CFAP299: variants seen among roughly 807,000 people sequenced by gnomAD.
The protein encoded by CFAP299 is cilia and flagella associated protein 299.
CFAP299 carries 21 observed loss-of-function variants against 27.0 expected under a neutral mutation model. The observed-to-expected ratio is 0.78, with a 90% CI of 0.55 to 1.12. The LOEUF is 1.12. CFAP299 is among the 50% of genes most tolerant of loss of function. CFAP299 has a pLI of 0.00. For synonymous variants in CFAP299, 104 were observed against 98.1 expected, an observed-to-expected ratio of 1.06 and a Z score of -0.36; for missense variants, 310 against 276.6, an observed-to-expected ratio of 1.12 and a Z score of -0.86.
intron 2 of CFAP299, among the ~76,000 whole-genome samples, chr4:80,438,060 G>C (rs73829288): frequency 0.096 from 14,627 of 152,136 alleles, 1,548 homozygotes; most frequent in African/African-American, 0.26. Flanking sequence ...AGCTTGCTGT[G>C]TCATTGGGGA....
chr4:80,339,664 A>G (rs1201039634), intron 1 of CFAP299, among the ~76,000 whole-genome samples: 5 of 152,244 alleles, frequency 3.3e-5, no homozygotes, highest in Non-Finnish European at 7.3e-5. Flanking sequence ...GCTAACCCAA[A>G]GAAATATATT....
intron 3 of CFAP299, among the ~76,000 whole-genome samples, chr4:80,620,494 CATCTT>C (rs1028924429): frequency 1.1e-4 from 16 of 152,056 alleles, no homozygotes; most frequent in African/African-American, 3.1e-4. Context: ...GAATTTAACA[CATCTT>C]ATATTTATAT....
chr4:80,475,944 C>T (rs939192468), intron 2 of CFAP299, among the ~76,000 whole-genome samples: 3 of 152,154 alleles, frequency 2.0e-5, no homozygotes, highest in East Asian at 1.9e-4. Flanking sequence ...ACGACCCAGA[C>T]GCCAGTAAAC....
chr4:80,834,377 G>A (rs1730452183), intron 3 of CFAP299, among the ~76,000 whole-genome samples: 1 of 152,134 alleles, frequency 6.6e-6, no homozygotes, highest in South Asian at 2.1e-4. Flanking sequence ...AATCCATAAA[G>A]CTCTTGAGAA....
At chr4:80,567,563 C>T (rs1401671227) in intron 2 of CFAP299, among the ~76,000 whole-genome samples, 6 of 151,820 alleles carry the variant, frequency 4.0e-5, no homozygotes, top group Admixed American at 6.6e-5. Flanking sequence ...AAGCACATAT[C>T]GGATTTAGCT....
intron 3 of CFAP299, among the ~76,000 whole-genome samples, chr4:80,677,091 A>G (rs1006186119): frequency 5.3e-5 from 8 of 151,394 alleles, no homozygotes; most frequent in Non-Finnish European, 1.2e-4. Context: ...ATTGCTATAA[A>G]CTTCCCTCTT....
At chr4:80,528,138 G>T in intron 2 of CFAP299, among the ~76,000 whole-genome samples, 1 of 126,576 alleles carries the variant, frequency 7.9e-6, no homozygotes, top group African/African-American at 3.0e-5. Flanking sequence ...TAGATCAGAA[G>T]ATACTAGTTA....
At chr4:80,611,448 C>T (rs1057092030) in intron 3 of CFAP299, among the ~76,000 whole-genome samples, 8 of 152,052 alleles carry the variant, frequency 5.3e-5, no homozygotes, top group South Asian at 2.1e-4. Context: ...CAATCTACAA[C>T]GGCAATCTAA....
chr4:80,365,049 A>G (rs1723755854), intron 2 of CFAP299, among the ~76,000 whole-genome samples: 1 of 152,216 alleles, frequency 6.6e-6, no homozygotes, highest in Admixed American at 6.5e-5. Flanking sequence ...TATTGTGAAC[A>G]GTGCTGCAAT....
At chr4:80,751,728 C>G (rs115505722) in intron 3 of CFAP299, among the ~76,000 whole-genome samples, 2 of 152,128 alleles carry the variant, frequency 1.3e-5, no homozygotes, top group African/African-American at 2.4e-5. Context: ...GAGACTGTGG[C>G]CCCCTCCCCC....
chr4:80,394,391 C>A (rs1725661233), intron 2 of CFAP299, among the ~76,000 whole-genome samples: 1 of 149,088 alleles, frequency 6.7e-6, no homozygotes, highest in African/African-American at 2.5e-5. Flanking sequence ...TAGGTTGTTC[C>A]TTGGCTGTAC....
At chr4:80,957,843 AG>A (rs1348532737) in intron 5 of CFAP299, among the ~76,000 whole-genome samples, 1 of 152,134 alleles carries the variant, frequency 6.6e-6, no homozygotes, top group Admixed American at 6.6e-5. Flanking sequence ...AATTTCGGGA[AG>A]GTTATTCTTG....
chr4:80,792,048 A>G (rs1727602228), intron 3 of CFAP299, among the ~76,000 whole-genome samples: 1 of 152,082 alleles, frequency 6.6e-6, no homozygotes, highest in South Asian at 2.1e-4. Context: ...CTGAACATTT[A>G]TATAATGTTA....
chr4:80,854,031 G>C (rs1731683701), intron 3 of CFAP299, among the ~76,000 whole-genome samples: 2 of 152,166 alleles, frequency 1.3e-5, no homozygotes, highest in Non-Finnish European at 2.9e-5. Flanking sequence ...ACAGAGAAAA[G>C]ATGAGGACTA....
chr4:80,526,191 T>A (rs1445265959), intron 2 of CFAP299, among the ~76,000 whole-genome samples: 1 of 152,120 alleles, frequency 6.6e-6, no homozygotes, highest in South Asian at 2.1e-4. Flanking sequence ...AAGGCTGCAA[T>A]GAAATACTCA....
intron 3 of CFAP299, among the ~76,000 whole-genome samples, chr4:80,592,656 G>A (rs114707584): frequency 1.3e-3 from 192 of 152,160 alleles, no homozygotes; most frequent in African/African-American, 4.4e-3. Context: ...GGATTAAAAG[G>A]GATATAACCA....
At chr4:80,353,567 T>C (rs1200172228) in intron 1 of CFAP299, among the ~76,000 whole-genome samples, 1 of 152,236 alleles carries the variant, frequency 6.6e-6, no homozygotes, top group Non-Finnish European at 1.5e-5. Flanking sequence ...TGCCATGCTT[T>C]CTGACACTCC....
intron 4 of CFAP299, among the ~76,000 whole-genome samples, chr4:80,902,055 C>G (rs563687045): frequency 7.9e-5 from 12 of 152,068 alleles, no homozygotes; most frequent in African/African-American, 2.9e-4. Flanking sequence ...GTGGCACTTT[C>G]AAATAACAAA....
chr4:80,807,320 G>A (rs1728913226), intron 3 of CFAP299, among the ~76,000 whole-genome samples: 2 of 152,008 alleles, frequency 1.3e-5, no homozygotes, highest in Non-Finnish European at 2.9e-5. Flanking sequence ...TGTTGTAAAT[G>A]TACAACCATT....
Sources: allele counts gnomAD v4.1 joint callset (sites outside exome capture counted in the v4.1 genomes callset), GRCh38; gene constraint gnomAD v4.1.1; transcripts MANE v1.5; gene names NCBI Gene and HGNC (gene_info 2026-07-23, HGNC 2026-07-21).